PLA2G5: variants seen among roughly 807,000 people sequenced by gnomAD.
PLA2G5 encodes the protein Ca2+-dependent phospholipase A2.
A neutral mutation model predicts 15.9 loss-of-function variants in PLA2G5; 12 were observed. The ratio of observed to expected loss-of-function variants is 0.76; its 90% CI spans 0.48 to 1.23. The LOEUF (loss-of-function observed/expected upper bound fraction) is 1.23, where lower values mean the gene tolerates loss of function less well. Among genes scored for constraint, PLA2G5 ranks in the 50% most tolerant of loss-of-function variants. PLA2G5 has a pLI of 0.00. For synonymous variants in PLA2G5, 71 were observed against 71.4 expected (o/e 0.99, Z 0.03); for missense variants, 169 against 177.1 (o/e 0.95, Z 0.26).
At chr1:20,038,080 C>G (rs1472076642) in intron 1 of PLA2G5, among the ~76,000 whole-genome samples, 2 of 152,140 alleles carry the variant, frequency 1.3e-5, no homozygotes, top group African/African-American at 4.8e-5. Context: ...GCCAGCAAGA[C>G]TAGTCTCATT....
At chr1:20,029,436 C>T (rs1388603646) in intron 1 of PLA2G5, among the ~76,000 whole-genome samples, 1 of 149,662 alleles carries the variant, frequency 6.7e-6, no homozygotes, top group Non-Finnish European at 1.5e-5. Context: ...GGTCCAGCTG[C>T]CTGTGTGTTC....
chr1:20,079,604 G>A (rs1445024555), intron 1 of PLA2G5, among the ~76,000 whole-genome samples: 1 of 152,192 alleles, frequency 6.6e-6, no homozygotes, highest in African/African-American at 2.4e-5. Flanking sequence ...TGGACCTCCT[G>A]GGCTCGGGCC....
At chr1:20,044,369 T>TG (rs140128388) in intron 1 of PLA2G5, among the ~76,000 whole-genome samples, 67,795 of 150,306 alleles carry the variant, frequency 0.45, 16,243 homozygotes, top group Non-Finnish European at 0.57. Flanking sequence ...ATTCCTGTTG[T>TG]GGGGGGGGTT....
intron 1 of PLA2G5, among the ~76,000 whole-genome samples, chr1:20,058,692 G>A (rs1359762961): frequency 6.6e-6 from 1 of 152,158 alleles, no homozygotes; most frequent in Non-Finnish European, 1.5e-5. Context: ...CAGTGTGTAG[G>A]AGGGGTGTTA....
chr1:20,030,171 C>T (rs2012841879), intron 1 of PLA2G5, among the ~76,000 whole-genome samples: 1 of 151,614 alleles, frequency 6.6e-6, no homozygotes. Context: ...GAAGGACCAG[C>T]GCTGGCACTG....
At chr1:20,030,696 T>G (rs945146799) in intron 1 of PLA2G5, among the ~76,000 whole-genome samples, 1 of 152,148 alleles carries the variant, frequency 6.6e-6, no homozygotes, top group Non-Finnish European at 1.5e-5. Context: ...ACCCAGGCTT[T>G]CTTGGGCAGA....
intron 1 of PLA2G5, among the ~76,000 whole-genome samples, chr1:20,049,880 G>A (rs1313227029): frequency 6.6e-6 from 1 of 152,160 alleles, no homozygotes; most frequent in East Asian, 1.9e-4. Context: ...GTGTGAAATA[G>A]TAACGCTCTC....
intron 1 of PLA2G5, chr1:20,076,848 A>T (rs1284339676): frequency 6.6e-6 from 1 of 152,284 alleles, no homozygotes; most frequent in Non-Finnish European, 1.5e-5. Flanking sequence ...ATCATGGAAG[A>T]CTTCCCGGAG....
intron 1 of PLA2G5, among the ~76,000 whole-genome samples, chr1:20,032,639 G>A (rs946753189): frequency 5.3e-5 from 8 of 152,044 alleles, no homozygotes; most frequent in African/African-American, 7.2e-5. Flanking sequence ...CATAGGGGGC[G>A]GTAACCAGTA....
intron 1 of PLA2G5, among the ~76,000 whole-genome samples, chr1:20,043,093 G>A (rs893173086): frequency 1.3e-5 from 2 of 152,158 alleles, no homozygotes; most frequent in Non-Finnish European, 2.9e-5. Flanking sequence ...ACTGATGGGT[G>A]TCAGGGTCAG....
chr1:20,074,625 C>A (rs961513280), intron 1 of PLA2G5, among the ~76,000 whole-genome samples: 2 of 152,100 alleles, frequency 1.3e-5, no homozygotes, highest in African/African-American at 2.4e-5. Flanking sequence ...ACCTCCCATG[C>A]GACATTTCTT....
chr1:20,066,204 C>T (rs1215693621), upstream of PLA2G5: 2 of 152,180 alleles, frequency 1.3e-5, no homozygotes, highest in African/African-American at 2.4e-5. Flanking sequence ...GCTTAACTGT[C>T]ATCTGTATGT....
At position 20,070,413 on chromosome 1, in the gene PLA2G5, A is replaced by C. The variant is rs867697827; in HGVS notation, c.-63A>C. 26 of 985,410 alleles carry C rather than the reference A, an allele frequency of 2.6e-5. No homozygotes were observed. In the South Asian group the frequency reaches 4.7e-4, roughly 18 times the overall value. 61.0% of individuals were successfully genotyped at this position (985,410 alleles called of 1,614,324 possible). ...CGGGTCTCCAGGGTCTGCCCAAGGA[A>C]GTTGCTCATGGGAGCAGACCTCTAG... On this transcript the variant is annotated 5_prime_UTR_variant, in exon 1 of 5. Transcript: ENST00000375108.
At chr1:20,066,866 T>C (rs2015058181), upstream of PLA2G5, among the ~76,000 whole-genome samples, 1 of 152,162 alleles carries the variant, frequency 6.6e-6, no homozygotes, top group African/African-American at 2.4e-5. Context: ...ATTAGTCAGC[T>C]GTGGTGACAT....
Position 20,090,925 on chromosome 1 carries a change from C to T in PLA2G5, c.*233C>T, listed in dbSNP as rs1447622737. On this transcript the variant is annotated 3_prime_UTR_variant, in exon 5 of 5. Coordinates refer to ENST00000375108, the MANE Select transcript of PLA2G5 (RefSeq NM_000929.3). The stretch of plus-strand genomic sequence containing the variant: ...GTCCCTAGGCCTCCACTTCTGAGGG[C>T]AGCCCCTCTGGTGCCAAGAGCTCTC... 8.7e-6 allele frequency: 4 copies of T among 458,560 alleles called. No individual in the cohort carries two copies. Among genetic ancestry groups the T allele is most frequent in the Non-Finnish European group, 7.8e-6 (2 of 255,942 alleles). The allele number at this position is 458,560 out of a possible 1,614,324, so 28.4% of individuals were successfully genotyped here.
At chr1:20,038,402 G>A (rs1363805363) in intron 1 of PLA2G5, among the ~76,000 whole-genome samples, 1 of 152,172 alleles carries the variant, frequency 6.6e-6, no homozygotes, top group Non-Finnish European at 1.5e-5. Context: ...GGACCCCTGT[G>A]AGACAACGTC....
chr1:20,047,287 C>T (rs911606375), intron 1 of PLA2G5, among the ~76,000 whole-genome samples: 5 of 152,010 alleles, frequency 3.3e-5, no homozygotes, highest in African/African-American at 9.7e-5. Context: ...GGAGTCCTGC[C>T]CACAAGCAAG....
chr1:20,055,149 G>T lies in PLA2G5; in HGVS notation n.277-4483G>T, dbSNP rs115045080. Among the ~76,000 whole-genome samples the T allele has an allele frequency of 2.5e-3, 379 of 152,244 alleles. 1 individual carries two copies. Among genetic ancestry groups the T allele is most frequent in the African/African-American group, 8.4e-3 (349 of 41,530 alleles). On this transcript the variant is annotated intron_variant and non_coding_transcript_variant, in intron 1 of 6. Coordinates refer to the PLA2G5 transcript ENST00000460175. ...GCAAAACAAAAACAGTCCCTTTCCT[G>T]ATGGCATTTCAATCTGGCAACACAG...
intron 1 of PLA2G5, among the ~76,000 whole-genome samples, chr1:20,059,177 A>G (rs971799849): frequency 2.0e-5 from 3 of 151,760 alleles, no homozygotes; most frequent in Non-Finnish European, 4.4e-5. Context: ...TCATGCCTAT[A>G]ATCCCAGCAC....
Sources: gnomAD v4.1 joint callset for allele counts (sites outside exome capture counted in the v4.1 genomes callset) on GRCh38, gnomAD v4.1.1 for gene constraint, MANE v1.5 for transcripts, NCBI Gene and HGNC (gene_info 2026-07-23, HGNC 2026-07-21) for gene names.